Variants in PRKG1 observed in about 807,000 individuals in gnomAD.
PRKG1 encodes the protein cGMP-dependent protein kinase 1.
In PRKG1, 35 loss-of-function variants were observed where a neutral mutation model predicts 88.1. The observed-to-expected ratio is 0.40, with a 90% CI of 0.30 to 0.53. The LOEUF is 0.53. Among genes scored for constraint, PRKG1 ranks in the 20% least tolerant of loss-of-function variants. The pLI is 0.59. For missense variants in PRKG1, 540 were observed against 839.8 expected (o/e 0.64, Z 4.41); for synonymous variants, 303 against 292.5 (o/e 1.04, Z -0.37).
Position 51,122,449 on chromosome 10 carries a change from C to A in PRKG1, c.312-30715C>A, listed in dbSNP as rs145662425. 1.2e-3 allele frequency among the ~76,000 whole-genome samples: 178 copies of A among 152,212 alleles called. 1 individual carries two copies. In the East Asian group the frequency reaches 0.032, roughly 27 times the overall value. On this transcript the variant is annotated intron_variant, in intron 1 of 17. Transcript: ENST00000373980. The stretch of plus-strand genomic sequence containing the variant: ...AAGTGATGTTAGCCCTGTGTCTTAA[C>A]CTCTGTGGGAAGAATAAAAACCTAA...
chr10:51,098,377 C>T (rs980114130), intron 1 of PRKG1, among the ~76,000 whole-genome samples: 8 of 152,114 alleles, frequency 5.3e-5, no homozygotes, highest in East Asian at 1.9e-4. Context: ...TCACCTTTCC[C>T]GTGTCCCAGA....
At chr10:51,147,437 A>G in intron 1 of PRKG1, among the ~76,000 whole-genome samples, 1 of 85,332 alleles carries the variant, frequency 1.2e-5, no homozygotes, top group Non-Finnish European at 2.2e-5. Flanking sequence ...TAAAAGTAAA[A>G]GGAAAAAAAA....
intron 1 of PRKG1, among the ~76,000 whole-genome samples, chr10:51,039,918 T>A (rs1020128257): frequency 2.0e-5 from 3 of 152,210 alleles, no homozygotes; most frequent in African/African-American, 7.2e-5. Flanking sequence ...TTGTTTATTC[T>A]GTTCTATTGG....
At chr10:51,036,622 A>C (rs1210977226) in intron 1 of PRKG1, among the ~76,000 whole-genome samples, 5 of 152,182 alleles carry the variant, frequency 3.3e-5, no homozygotes, top group Non-Finnish European at 5.9e-5. Context: ...CTGACCTTTA[A>C]AACAAAATTA....
intron 2 of PRKG1, among the ~76,000 whole-genome samples, chr10:51,438,197 A>AC (rs1389365706): frequency 7.7e-6 from 1 of 130,668 alleles, no homozygotes; most frequent in African/African-American, 3.3e-5. Context: ...TTTTAGACTT[A>AC]CCAAAAAAAA....
intron 2 of PRKG1, chr10:51,245,799 G>A (rs531283592): frequency 6.6e-6 from 1 of 152,056 alleles, no homozygotes; most frequent in African/African-American, 2.4e-5. Context: ...ATTTGAGAAG[G>A]CTTCATGGGA....
chr10:51,387,233 G>A (rs780515353), intron 2 of PRKG1, among the ~76,000 whole-genome samples: 43 of 151,616 alleles, frequency 2.8e-4, no homozygotes, highest in Non-Finnish European at 5.6e-4. Flanking sequence ...AGTTCCACAG[G>A]GCCCGTGGTC....
At chr10:51,947,444 G>A (rs149434114) in intron 5 of PRKG1, among the ~76,000 whole-genome samples, 17,030 of 152,118 alleles carry the variant, frequency 0.11, 1,214 homozygotes, top group East Asian at 0.35. Flanking sequence ...GCCCTGCTTC[G>A]GCTCGCGCAT....
At chr10:52,264,876 A>T (rs1841533542) in intron 10 of PRKG1, among the ~76,000 whole-genome samples, 1 of 152,042 alleles carries the variant, frequency 6.6e-6, no homozygotes, top group East Asian at 1.9e-4. Flanking sequence ...CCACCCCCGA[A>T]GAGAATATGA....
At chr10:51,965,227 T>A (rs1288009163) in intron 5 of PRKG1, among the ~76,000 whole-genome samples, 2 of 152,164 alleles carry the variant, frequency 1.3e-5, no homozygotes, top group African/African-American at 4.8e-5. Flanking sequence ...ATTCTTTCTC[T>A]CTTCCCACTC....
At chr10:52,215,179 G>A (rs1285747956) in intron 9 of PRKG1, among the ~76,000 whole-genome samples, 1 of 152,068 alleles carries the variant, frequency 6.6e-6, no homozygotes, top group Non-Finnish European at 1.5e-5. Flanking sequence ...CAGATCACCT[G>A]AGGTCAGGAG....
chr10:51,216,938 A>G (rs1645977147), intron 2 of PRKG1, among the ~76,000 whole-genome samples: 2 of 152,178 alleles, frequency 1.3e-5, no homozygotes, highest in Non-Finnish European at 2.9e-5. Flanking sequence ...ACATGAGAAT[A>G]AAATCATTGT....
intron 2 of PRKG1, among the ~76,000 whole-genome samples, chr10:51,316,215 A>T (rs577996686): frequency 3.5e-4 from 53 of 152,260 alleles, no homozygotes. Flanking sequence ...TTGTATGGAG[A>T]CTCTCAGAGC....
intron 3 of PRKG1, among the ~76,000 whole-genome samples, chr10:51,796,146 T>C (rs536384326): frequency 4.6e-4 from 70 of 152,220 alleles, no homozygotes; most frequent in Non-Finnish European, 2.5e-4. Flanking sequence ...TTTGATGAAT[T>C]CTCACTTTGT....
At chr10:52,155,961 A>G (rs573377800) in intron 8 of PRKG1, among the ~76,000 whole-genome samples, 1 of 151,972 alleles carries the variant, frequency 6.6e-6, no homozygotes, top group Non-Finnish European at 1.5e-5. Context: ...TTAGCTTTTT[A>G]TTCCTTTGTG....
chr10:52,127,936 C>G (rs1307250913), intron 7 of PRKG1: 2 of 857,496 alleles, frequency 2.3e-6, no homozygotes, highest in East Asian at 1.2e-4. Flanking sequence ...ATCCAATTTT[C>G]AAAAAAGCAT....
chr10:51,750,096 C>T (rs1837683895), intron 3 of PRKG1, among the ~76,000 whole-genome samples: 1 of 151,938 alleles, frequency 6.6e-6, no homozygotes, highest in Non-Finnish European at 1.5e-5. Context: ...CCACCATGCC[C>T]AGCTAACTTT....
rs757314460 is a variant in PRKG1 at position 51,671,590 on chromosome 10, CT to C, written c.593-132981del. On this transcript the variant is annotated intron_variant, in intron 3 of 17. Coordinates refer to ENST00000373980, the MANE Select transcript of PRKG1 (RefSeq NM_006258.4). ...CCTCTTCTTCTCTCTCTCTCTCTCT[CT>C]TTTTTTTTTTTTTGAGATGGAGTCT... is the stretch of plus-strand genomic sequence containing the variant. Among the ~76,000 whole-genome samples, 432 of 141,676 alleles carry C rather than the reference CT, an allele frequency of 3.0e-3. 2 individuals carry two copies. The highest frequency in any genetic ancestry group is 0.017 in the Admixed American group (245 of 14,156). 92.9% of individuals were successfully genotyped at this position (141,676 alleles called of 152,430 possible).
intron 1 of PRKG1, among the ~76,000 whole-genome samples, chr10:51,118,926 G>A (rs1845199160): frequency 6.6e-6 from 1 of 152,072 alleles, no homozygotes; most frequent in Non-Finnish European, 1.5e-5. Flanking sequence ...TTGGAACCTG[G>A]TCTCTTAGTA....
Sources: gnomAD v4.1 joint callset for allele counts (sites outside exome capture counted in the v4.1 genomes callset) on GRCh38, gnomAD v4.1.1 for gene constraint, MANE v1.5 for transcripts, NCBI Gene and HGNC (gene_info 2026-07-23, HGNC 2026-07-21) for gene names.